MNS1: variants seen among roughly 807,000 people sequenced by gnomAD.
MNS1 encodes the protein meiosis specific nuclear structural 1.
Under a neutral mutation model 72.0 loss-of-function variants are expected in MNS1, and 63 were observed. The observed-to-expected ratio is 0.87, with a 90% CI of 0.71 to 1.08. The LOEUF is 1.08. Among genes scored for constraint, MNS1 ranks in the 50% least tolerant of loss-of-function variants. The pLI is 0.00. For missense variants in MNS1, 604 were observed against 562.4 expected (o/e 1.07, Z -0.75); for synonymous variants, 188 against 172.1 (o/e 1.09, Z -0.72).
Position 56,460,009 on chromosome 15 carries a change from A to AAAAAAAAATAT in MNS1, c.226-3489_226-3488insATATTTTTTTT. On this transcript the variant is annotated intron_variant, in intron 2 of 9. Transcript: ENST00000260453. ...CTGTCTCAAAAAAAAAAAAAAAAAA[A>AAAAAAAAATAT]ATACATATATATATATATATATATA... Among the ~76,000 whole-genome samples, 78 of 26,378 alleles carry AAAAAAAAATAT rather than the reference A, an allele frequency of 3.0e-3. 13 individuals are homozygous for AAAAAAAAATAT. Among genetic ancestry groups the AAAAAAAAATAT allele is most frequent in the East Asian group, 0.022 (19 of 874 alleles). The allele number at this position is 26,378 out of a possible 152,430, so 17.3% of individuals were successfully genotyped here. A position where few individuals can be genotyped will look rare whatever the true frequency, so the allele number is the denominator to read the frequency against.
chr15:56,440,654 A>C (rs1328182861), intron 7 of MNS1, among the ~76,000 whole-genome samples: 1 of 152,218 alleles, frequency 6.6e-6, no homozygotes, highest in African/African-American at 2.4e-5. Flanking sequence ...CAAATGATCA[A>C]TACAAGCAAC....
At chr15:56,462,780 A>G (rs1262783449) in intron 2 of MNS1, among the ~76,000 whole-genome samples, 1 of 152,230 alleles carries the variant, frequency 6.6e-6, no homozygotes, top group African/African-American at 2.4e-5. Flanking sequence ...TGTTTATGGA[A>G]TGGGTGAGAT....
chr15:56,443,785 C>G lies in MNS1; in HGVS notation c.756G>C (p.Gln252His), dbSNP rs370107961. Residue 252 changes from glutamine (Q) to histidine (H), a missense_variant, in exon 6 of 10, where the codon CAG becomes CAC. Transcript: ENST00000260453. ...RRYIEEFQKE[Q>H]ALWRKKKREE... Reference sequence around the variant, plus strand: ...CACGTTTCTTTTTTCTCCAGAGAGCCTGCTCTTTCTGAAACTCTTCTATAT... The same window carrying G: ...CACGTTTCTTTTTTCTCCAGAGAGCGTGCTCTTTCTGAAACTCTTCTATAT... 2.5e-6 allele frequency: 4 copies of G among 1,612,752 alleles called. No homozygotes were observed. The highest frequency in any genetic ancestry group is 2.5e-6 in the Non-Finnish European group (3 of 1,179,584).
chr15:56,447,042 G>C, intron 3 of MNS1, 99 bp from the exon 4 acceptor site: 1 of 767,068 alleles, frequency 1.3e-6, no homozygotes, highest in South Asian at 1.7e-5. Context: ...TACTCAAAGA[G>C]GGAATACAGC....
Position 56,464,030 on chromosome 15 carries a change from T to C in MNS1, c.221A>G (p.Gln74Arg), listed in dbSNP as rs1233417326. 1 of 1,604,270 alleles carries C rather than the reference T, an allele frequency of 6.2e-7. No individual in the cohort carries two copies. The highest frequency in any genetic ancestry group is 2.2e-5 in the East Asian group (1 of 44,812). The change falls in exon 2 of 10, where the codon CAA becomes CGA. Residue 74 changes from glutamine (Q) to arginine (R), a missense_variant. Coordinates refer to ENST00000260453, the MANE Select transcript of MNS1 (RefSeq NM_018365.4). ...ACAATGAATAGTAAAACTTACCTTT[T>C]GAATGGCCTCTTCCATATCCAACTC... ...QFELDMEEAIQKAEENKRLKE... is the reference protein window; with the variant it reads ...QFELDMEEAIRKAEENKRLKE...
chr15:56,431,545 A>G (rs758105479), intron 8 of MNS1, 47 bp from the exon 9 acceptor site: 13 of 1,600,562 alleles, frequency 8.1e-6, no homozygotes, highest in Non-Finnish European at 1.1e-5. Context: ...CATTAATCTT[A>G]TACGAAGTTT....
At chr15:56,457,355 T>A (rs1163067477) in intron 2 of MNS1, among the ~76,000 whole-genome samples, 2 of 152,116 alleles carry the variant, frequency 1.3e-5, no homozygotes, top group African/African-American at 4.8e-5. Context: ...TCATTAGCCA[T>A]CAGGAAATGC....
chr15:56,432,180 A>G (rs534485425), intron 8 of MNS1, among the ~76,000 whole-genome samples: 1 of 152,316 alleles, frequency 6.6e-6, no homozygotes, highest in South Asian at 2.1e-4. Context: ...TTTTTGTCCA[A>G]TGGTAGAGTC....
chr15:56,431,761 GA>G (rs2050603696), intron 8 of MNS1, among the ~76,000 whole-genome samples: 1 of 151,776 alleles, frequency 6.6e-6, no homozygotes, highest in Non-Finnish European at 1.5e-5. Flanking sequence ...ATTACCAAGG[GA>G]AAAAATATTC....
chr15:56,462,023 C>A (rs1201920315), intron 2 of MNS1, among the ~76,000 whole-genome samples: 1 of 92,770 alleles, frequency 1.1e-5, no homozygotes, highest in Non-Finnish European at 2.1e-5. Flanking sequence ...GGGGTGGGGG[C>A]AGGGGAACAG....
rs148947749 is a variant in MNS1, at chr15:56,431,483, C to T, written c.1285G>A (p.Glu429Lys). The T allele has an allele frequency of 8.4e-5, 135 of 1,613,582 alleles. No homozygotes were observed. The highest frequency in any genetic ancestry group is 2.0e-4 in the Admixed American group (12 of 59,928). ...TGCCGCCTTTGCTGCAACTGCCACT[C>T]TTCTAGTTCACGTTGCTGGAAATGC... ...FLADKQRELE[E>K]WQLQQRRQGF... Residue 429 changes from glutamate to lysine, a missense_variant, in exon 9 of 10, where the codon GAG becomes AAG. Glu to Lys is a moderately conservative substitution (Grantham distance 56). Transcript: ENST00000260453.
chr15:56,431,607 T>C, intron 8 of MNS1, 109 bp from the exon 9 acceptor site: 4 of 988,166 alleles, frequency 4.0e-6, no homozygotes, highest in South Asian at 1.7e-5. Context: ...GAACTATTTA[T>C]GACACTAAGT....
At position 56,443,411 on chromosome 15, in the gene MNS1, T is replaced by C. The variant is rs1246967510; in HGVS notation, c.1011+19A>G. The stretch of plus-strand genomic sequence containing the variant: ...TATTCTTCTCTACATTAATCATTCT[T>C]TCCATTTCTGAAACTTACTTTTAGC... On this transcript the variant is annotated intron_variant, in intron 7 of 9. Transcript: ENST00000260453. 3 of 1,511,418 alleles carry C rather than the reference T, an allele frequency of 2.0e-6. No homozygotes were observed. The highest frequency in any genetic ancestry group is 2.5e-5 in the South Asian group (2 of 78,774). 93.6% of individuals were successfully genotyped at this position (1,511,418 alleles called of 1,614,324 possible). A position where few individuals can be genotyped will look rare whatever the true frequency, so the allele number is the denominator to read the frequency against.
At chr15:56,459,933 T>C (rs1330309100) in intron 2 of MNS1, among the ~76,000 whole-genome samples, 1 of 136,488 alleles carries the variant, frequency 7.3e-6, no homozygotes, top group Non-Finnish European at 1.5e-5. Context: ...GAGGTTGTGG[T>C]GAGCCAAAAT....
At chr15:56,446,565 ACTT>A (rs2050905094) in intron 4 of MNS1, among the ~76,000 whole-genome samples, 1 of 151,722 alleles carries the variant, frequency 6.6e-6, no homozygotes, top group Non-Finnish European at 1.5e-5. Flanking sequence ...GTACTGTACT[ACTT>A]TGTCAGTGAA....
In MNS1 at chr15:56,443,813, C is replaced by G. The variant is rs1179970433; in HGVS notation, c.728G>C (p.Arg243Thr). The G allele has an allele frequency of 2.5e-6, 4 of 1,607,632 alleles. No homozygotes were observed. The highest frequency in any genetic ancestry group is 2.7e-5 in the African/African-American group (2 of 74,620). ...CTCTTTCTGAAACTCTTCTATATAC[C>G]TTCGCATTGCATTCATTTTTTCTAA... ...QKLEKMNAMR[R>T]YIEEFQKEQA... The change falls in exon 6 of 10, where the codon AGG (arginine) becomes ACG (threonine). Residue 243 changes from arginine to threonine, a missense_variant. Transcript: ENST00000260453.
At chr15:56,437,865 A>G (rs2050754909) in intron 7 of MNS1, among the ~76,000 whole-genome samples, 2 of 152,200 alleles carry the variant, frequency 1.3e-5, no homozygotes, top group African/African-American at 2.4e-5. Context: ...TCGATTCACA[A>G]TTGCTTCAAA....
At position 56,444,581 on chromosome 15, in the gene MNS1, C is replaced by A. The variant is rs201457984; in HGVS notation, c.549G>T (p.Ala183=). 18 of 1,612,530 alleles carry A rather than the reference C, an allele frequency of 1.1e-5. No homozygotes were observed. In the Admixed American group the frequency reaches 3.0e-4, roughly 27 times the overall value. The change falls in exon 5 of 10, where the codon GCG becomes GCT. Residue 183 remains alanine, a synonymous_variant. Coordinates refer to ENST00000260453, the MANE Select transcript of MNS1 (RefSeq NM_018365.4). The part of the protein sequence containing the change: ...ENAAEDKRNK[A]KAQYYLDLEK... ...CTAAGTCAAGATAGTACTGTGCTTT[C>A]GCTTTGTTTCGTTTGTCTTCTGCAG...
Position 56,433,250 on chromosome 15 carries a change from C to T in MNS1, c.1269+888G>A, listed in dbSNP as rs1297051421. 2.4e-5 allele frequency among the ~76,000 whole-genome samples: 3 copies of T among 124,914 alleles called. No individual in the cohort carries two copies. In the East Asian group the frequency reaches 8.4e-4, roughly 35 times the overall value. 81.9% of individuals were successfully genotyped at this position (124,914 alleles called of 152,430 possible). A position where few individuals can be genotyped will look rare whatever the true frequency, so the allele number is the denominator to read the frequency against. On this transcript the variant is annotated intron_variant, in intron 8 of 9. Coordinates refer to ENST00000260453, the MANE Select transcript of MNS1 (RefSeq NM_018365.4). Reference sequence around the variant, plus strand: ...AGAGGAACATCATCACACACCAGGGCCTGTCGGGGGGTGGGGGGGACAAGG... The same window carrying T: ...AGAGGAACATCATCACACACCAGGGTCTGTCGGGGGGTGGGGGGGACAAGG...
Sources: gnomAD v4.1 joint callset for allele counts (sites outside exome capture counted in the v4.1 genomes callset) on GRCh38, gnomAD v4.1.1 for gene constraint, MANE v1.5 for transcripts, NCBI Gene and HGNC (gene_info 2026-07-23, HGNC 2026-07-21) for gene names.